ADGRL4: variants seen among roughly 807,000 people sequenced by gnomAD.
ADGRL4 encodes adhesion G protein-coupled receptor L4.
In ADGRL4, 90 loss-of-function variants were observed where a neutral mutation model predicts 74.8. The ratio of observed to expected loss-of-function variants is 1.20; its 90% CI spans 1.02 to 1.43. ADGRL4 has a LOEUF of 1.43. Ranked by LOEUF, ADGRL4 falls within the 40% of genes most tolerant of loss-of-function variation. ADGRL4 has a pLI of 0.00. For synonymous variants in ADGRL4, 311 were observed against 279.2 expected, an observed-to-expected ratio of 1.11 and a Z score of -1.14; for missense variants, 881 against 814.3, an observed-to-expected ratio of 1.08 and a Z score of -1.00.
rs11162579 is a variant in ADGRL4, at chr1:78,946,266, G to A, written c.325+8C>T. The A allele has an allele frequency of 0.083, 132,492 of 1,590,516 alleles. 7,259 individuals are homozygous for A. The highest frequency in any genetic ancestry group is 0.34 in the East Asian group (14,865 of 43,864). ...TATACAAATTCTAACTTAGATAACC[G>A]AACTTACCTATACAGACGGTTCCAT... On this transcript the variant is annotated splice_region_variant and intron_variant, in intron 3 of 14. Transcript: ENST00000370742.
chr1:78,989,338 T>C (rs1231188032), intron 2 of ADGRL4, among the ~76,000 whole-genome samples: 2 of 151,864 alleles, frequency 1.3e-5, no homozygotes, highest in African/African-American at 2.4e-5. Context: ...TCACAGATTG[T>C]CTTTGTAAAC....
In ADGRL4 at chr1:78,991,922, A is replaced by G. The variant is rs185735348; in HGVS notation, c.172+13148T>C. ...TCAATACACATTGCCAGATATTTCAATTAATGTGTACCAAGGTCACAAAAT... is the reference window on the plus strand; with the variant it reads ...TCAATACACATTGCCAGATATTTCAGTTAATGTGTACCAAGGTCACAAAAT... On this transcript the variant is annotated intron_variant, in intron 2 of 14. Coordinates refer to ENST00000370742, the MANE Select transcript of ADGRL4 (RefSeq NM_022159.4). Among the ~76,000 whole-genome samples the G allele has an allele frequency of 1.0e-3, 156 of 152,184 alleles. 1 individual carries two copies. The highest frequency in any genetic ancestry group is 2.9e-3 in the Admixed American group (44 of 15,272).
intron 2 of ADGRL4, among the ~76,000 whole-genome samples, chr1:78,990,627 T>C (rs908890960): frequency 1.4e-4 from 22 of 152,088 alleles, no homozygotes; most frequent in African/African-American, 5.1e-4. Flanking sequence ...AATATATTTG[T>C]CTACAAATAA....
At position 78,891,656 on chromosome 1, in the gene ADGRL4, A is replaced by G. The variant is rs1167029808; in HGVS notation, c.1878T>C (p.Leu626=). ...CARGALALLF[L]LGTTWIFGVL... ...CCCCAAAGATCCAGGTGGTGCCGAG[A>G]AGGAACAGAAGAGCGAGGGCTCCTC... Residue 626 remains leucine (L), a synonymous_variant, in exon 14 of 15, where the codon CTT becomes CTC. Coordinates refer to ENST00000370742, the MANE Select transcript of ADGRL4 (RefSeq NM_022159.4). 1.2e-6 allele frequency: 2 copies of G among 1,612,836 alleles called. No homozygotes were observed. The highest frequency in any genetic ancestry group is 2.7e-5 in the African/African-American group (2 of 74,846).
intron 12 of ADGRL4, among the ~76,000 whole-genome samples, chr1:78,904,540 A>C (rs1648591049): frequency 6.6e-6 from 1 of 152,052 alleles, no homozygotes. Flanking sequence ...AGACATTTTC[A>C]AGATATAAAC....
chr1:78,929,791 T>C (rs567467465), intron 7 of ADGRL4, among the ~76,000 whole-genome samples: 1 of 151,610 alleles, frequency 6.6e-6, no homozygotes, highest in South Asian at 2.1e-4. Context: ...CATAGGATCA[T>C]TAAATATAAC....
Position 79,005,139 on chromosome 1 carries a change from T to C in ADGRL4, c.103A>G (p.Ile35Val). 1.2e-6 allele frequency: 2 copies of C among 1,613,706 alleles called. No individual in the cohort carries two copies. The highest frequency in any genetic ancestry group is 1.7e-6 in the Non-Finnish European group (2 of 1,179,772). Reference protein sequence around the residue: ...TPCLPNAKCEIRNGIEACYCN... With the variant: ...TPCLPNAKCEVRNGIEACYCN... The stretch of plus-strand genomic sequence containing the variant: ...TAGCAGGCTTCAATTCCATTGCGTA[T>C]TTCACATTTTGCATTTGGGAGACAA... The change falls in exon 2 of 15, where the codon ATA (isoleucine) becomes GTA (valine). Residue 35 changes from isoleucine to valine, a missense_variant. Physicochemically the swap from Ile to Val is conservative, Grantham distance 29. Transcript: ENST00000370742.
intron 2 of ADGRL4, among the ~76,000 whole-genome samples, chr1:78,979,685 T>C (rs1291451277): frequency 2.0e-5 from 3 of 151,874 alleles, no homozygotes; most frequent in African/African-American, 7.2e-5. Context: ...AAAGAAAATG[T>C]AGAATGTATA....
At chr1:78,955,862 ACAT>A (rs1286384111) in intron 2 of ADGRL4, among the ~76,000 whole-genome samples, 9 of 152,120 alleles carry the variant, frequency 5.9e-5, no homozygotes, top group Admixed American at 1.3e-4. Flanking sequence ...ATTTTAAGAC[ACAT>A]CATCAGTGCA....
chr1:78,939,444 G>T (rs1649429252), intron 3 of ADGRL4, among the ~76,000 whole-genome samples, 186 bp from the exon 4 acceptor site: 1 of 151,918 alleles, frequency 6.6e-6, no homozygotes, highest in African/African-American at 2.4e-5. Flanking sequence ...AGGGTTTTAA[G>T]GGCCAAGAAA....
intron 10 of ADGRL4, among the ~76,000 whole-genome samples, chr1:78,919,454 T>C (rs1008661178): frequency 4.6e-5 from 7 of 152,030 alleles, no homozygotes; most frequent in African/African-American, 1.4e-4. Flanking sequence ...ACAGGTAACG[T>C]TGGCTCAAGG....
intron 13 of ADGRL4, among the ~76,000 whole-genome samples, chr1:78,892,440 C>T (rs1041663782): frequency 3.9e-5 from 6 of 152,136 alleles, no homozygotes; most frequent in African/African-American, 9.7e-5. Flanking sequence ...TTAGTCCAGT[C>T]ATTCTTTATT....
intron 3 of ADGRL4, among the ~76,000 whole-genome samples, chr1:78,942,666 C>T (rs1649512009): frequency 1.3e-5 from 2 of 150,430 alleles, no homozygotes. Context: ...GGCTGGCTCA[C>T]ACCTGTAATC....
chr1:78,891,535 A>G lies in ADGRL4; in HGVS notation c.1999T>C (p.Leu667=). 1 of 1,612,880 alleles carries G rather than the reference A, an allele frequency of 6.2e-7. No homozygotes were observed. The highest frequency in any genetic ancestry group is 8.5e-7 in the Non-Finnish European group (1 of 1,179,510). The change falls in exon 14 of 15, where the codon TTA becomes CTA. Residue 667 remains leucine (L), a synonymous_variant. Coordinates refer to ENST00000370742, the MANE Select transcript of ADGRL4 (RefSeq NM_022159.4). ...GMFIFLFLCV[L]SRKIQEEYYR... is the part of the protein sequence containing the mutation. ...AAGAAATTGTTTACCTTTCTAGATA[A>G]AACACACAGGAATAAAAAAATGAAC...
intron 10 of ADGRL4, 77 bp from the exon 11 acceptor site, chr1:78,918,127 G>T (rs1213459569): frequency 3.4e-6 from 4 of 1,193,698 alleles, no homozygotes; most frequent in East Asian, 2.4e-5. Context: ...CTCTACTTTC[G>T]CTGTAAATCA....
intron 2 of ADGRL4, among the ~76,000 whole-genome samples, chr1:78,989,807 C>T (rs1458390085): frequency 6.6e-6 from 1 of 151,874 alleles, no homozygotes; most frequent in Admixed American, 6.6e-5. Flanking sequence ...TTCTATATGG[C>T]TGGGGTTATA....
chr1:79,000,002 C>A (rs1650809486), intron 2 of ADGRL4, among the ~76,000 whole-genome samples: 1 of 152,062 alleles, frequency 6.6e-6, no homozygotes, highest in Non-Finnish European at 1.5e-5. Flanking sequence ...GCAAAGTCTT[C>A]TTTAAGATTG....
In ADGRL4 at chr1:78,934,759, C is replaced by A. The variant is rs141698561; in HGVS notation, c.877+1536G>T. Among the ~76,000 whole-genome samples the A allele has an allele frequency of 7.1e-3, 1,086 of 152,158 alleles. 8 individuals are homozygous for A. Among genetic ancestry groups the A allele is most frequent in the Non-Finnish European group, 9.5e-3 (649 of 67,996 alleles). Reference sequence around the variant, plus strand: ...AGTGGGCAAAGGATATGGACAGACACTTCTCAAAAGAAGACATTTATGCAG... The same window carrying A: ...AGTGGGCAAAGGATATGGACAGACAATTCTCAAAAGAAGACATTTATGCAG... On this transcript the variant is annotated intron_variant, in intron 7 of 14. Transcript: ENST00000370742.
chr1:78,995,450 A>G (rs1006027135), intron 2 of ADGRL4, among the ~76,000 whole-genome samples: 111 of 152,208 alleles, frequency 7.3e-4, no homozygotes, highest in African/African-American at 2.6e-3. Context: ...AAAGAGTATC[A>G]TGGTGTGCCA....
Sources: allele counts gnomAD v4.1 joint callset (sites outside exome capture counted in the v4.1 genomes callset), GRCh38; gene constraint gnomAD v4.1.1; transcripts MANE v1.5; gene names NCBI Gene and HGNC (gene_info 2026-07-23, HGNC 2026-07-21).